The following ABCC1 variants were observed in gnomAD, a reference collection of about 807,000 sequenced individuals.
The protein encoded by ABCC1 is ATP binding cassette subfamily C member 1 (ABCC1 blood group), also known as multidrug resistance-associated protein 1.
In ABCC1, 83 loss-of-function variants were observed where a neutral mutation model predicts 172.9. The ratio of observed to expected loss-of-function variants is 0.48; its 90% CI spans 0.40 to 0.58. ABCC1 has a LOEUF of 0.58. Among genes scored for constraint, ABCC1 ranks in the 20% least tolerant of loss-of-function variants. The pLI, the probability that ABCC1 is intolerant of heterozygous loss-of-function variation, is 0.00. For synonymous variants in ABCC1, 937 were observed against 825.2 expected (o/e 1.14, Z -2.32); for missense variants, 1,817 against 2,002.7 (o/e 0.91, Z 1.77).
chr16:15,969,687 T>G (rs1280516827), intron 1 of ABCC1, among the ~76,000 whole-genome samples: 1 of 152,096 alleles, frequency 6.6e-6, no homozygotes, highest in African/African-American at 2.4e-5. Context: ...GTCTTTTTTT[T>G]TTTTAAACCT....
chr16:15,978,932 G>T (rs909799138), intron 1 of ABCC1, among the ~76,000 whole-genome samples: 7 of 152,106 alleles, frequency 4.6e-5, no homozygotes, highest in Non-Finnish European at 8.8e-5. Context: ...AGTGTTGAGG[G>T]TGAGAAACCC....
chr16:16,014,038 G>A (rs1597118306), intron 3 of ABCC1, among the ~76,000 whole-genome samples: 2 of 152,208 alleles, frequency 1.3e-5, no homozygotes, highest in East Asian at 1.9e-4. Context: ...ATGAAGGCAT[G>A]TCCATTCATT....
intron 20 of ABCC1, among the ~76,000 whole-genome samples, chr16:16,104,642 G>A (rs1004740224): frequency 1.3e-5 from 2 of 152,216 alleles, no homozygotes; most frequent in Non-Finnish European, 2.9e-5. Flanking sequence ...AGGTGGAGCT[G>A]CCTGCCAGTC....
intron 1 of ABCC1, among the ~76,000 whole-genome samples, chr16:15,973,558 T>C (rs976230041): frequency 1.4e-4 from 21 of 152,144 alleles, no homozygotes; most frequent in Admixed American, 1.2e-3. Flanking sequence ...AATGCTGCAA[T>C]ATGTCCATCG....
At chr16:15,950,229 GA>G (rs35167276) in intron 1 of ABCC1, among the ~76,000 whole-genome samples, 89,407 of 151,928 alleles carry the variant, frequency 0.59, 28,869 homozygotes, top group Non-Finnish European at 0.73. Context: ...AATACTCCGT[GA>G]CCAACGGGGT....
chr16:16,048,957 T>G (rs1331651180), intron 10 of ABCC1, among the ~76,000 whole-genome samples: 2 of 150,858 alleles, frequency 1.3e-5, no homozygotes, highest in Non-Finnish European at 2.9e-5. Context: ...CACTCCAGCC[T>G]GGGCAACAAG....
intron 21 of ABCC1, among the ~76,000 whole-genome samples, chr16:16,107,496 G>C (rs906803896): frequency 2.0e-5 from 3 of 152,062 alleles, no homozygotes; most frequent in African/African-American, 7.2e-5. Flanking sequence ...CACCATGTTG[G>C]CCAGGCTGGT....
chr16:15,950,441 G>A (rs894657997), intron 1 of ABCC1, among the ~76,000 whole-genome samples: 11 of 152,108 alleles, frequency 7.2e-5, no homozygotes, highest in African/African-American at 2.7e-4. Context: ...CCTCGGCTCG[G>A]GGCAGACTTG....
At chr16:16,004,646 T>G (rs2047453159) in intron 1 of ABCC1, among the ~76,000 whole-genome samples, 1 of 146,782 alleles carries the variant, frequency 6.8e-6, no homozygotes, top group Admixed American at 7.3e-5. Context: ...GTGTTGGCCT[T>G]GTAAGGTTTA....
intron 16 of ABCC1, among the ~76,000 whole-genome samples, chr16:16,082,854 T>C (rs6498598): frequency 0.82 from 124,002 of 152,130 alleles, 50,684 homozygotes; most frequent in Non-Finnish European, 0.85. Flanking sequence ...CTCTATGTTG[T>C]CCAGGCTGGC....
At chr16:16,048,011 C>A (rs937672490) in intron 9 of ABCC1, 131 bp from the exon 10 acceptor site, 19 of 1,178,868 alleles carry the variant, frequency 1.6e-5, no homozygotes, top group Non-Finnish European at 2.1e-5. Flanking sequence ...ACAGATAGGT[C>A]GGGAGGGGAG....
chr16:16,079,503 G>A, intron 16 of ABCC1, 25 bp downstream of exon 16: 5 of 1,594,682 alleles, frequency 3.1e-6, no homozygotes, highest in Non-Finnish European at 3.4e-6. Context: ...AGCGGGGAGG[G>A]GCAGTGGGGA....
chr16:16,118,972 C>T lies in ABCC1; in HGVS notation c.3391-3003C>T, dbSNP rs570083962. Among the ~76,000 whole-genome samples, 49 of 149,898 alleles carry T rather than the reference C, an allele frequency of 3.3e-4. No individual in the cohort carries two copies. In the East Asian group the frequency reaches 8.3e-3, roughly 25 times the overall value. On this transcript the variant is annotated intron_variant, in intron 23 of 30. Coordinates refer to ENST00000399410, the MANE Select transcript of ABCC1 (RefSeq NM_004996.4). ...ATAATCGCCCAAACTGGAAACAGCT[C>T]AAATGTCCATTAACAGGACCGTGGA...
chr16:15,970,694 C>A (rs890249046), intron 1 of ABCC1, among the ~76,000 whole-genome samples: 7 of 152,162 alleles, frequency 4.6e-5, no homozygotes, highest in South Asian at 4.1e-4. Flanking sequence ...TTCTTTCCCC[C>A]CTCCTTGCTT....
Position 16,009,542 on chromosome 16 carries a change from G to A in ABCC1, c.226-234G>A, listed in dbSNP as rs540625121. ...GGTGACCAGACAAACAGTCCTGTTGGAGGTAGTGGGGCGTAGCAGGCTGAT... is the reference window on the plus strand; with the variant it reads ...GGTGACCAGACAAACAGTCCTGTTGAAGGTAGTGGGGCGTAGCAGGCTGAT... On this transcript the variant is annotated intron_variant, in intron 2 of 30. Coordinates refer to ENST00000399410, the MANE Select transcript of ABCC1 (RefSeq NM_004996.4). Among the ~76,000 whole-genome samples the A allele has an allele frequency of 9.6e-4, 146 of 152,262 alleles. 1 individual carries two copies. The highest frequency in any genetic ancestry group is 3.1e-3 in the South Asian group (15 of 4,818).
At chr16:16,044,394 G>A in intron 7 of ABCC1, 56 bp from the exon 8 acceptor site, 1 of 1,465,742 alleles carries the variant, frequency 6.8e-7, no homozygotes, top group Non-Finnish European at 9.5e-7. Flanking sequence ...TGTCCCTGTG[G>A]TAGGGGGCTG....
At chr16:16,136,997 T>C (rs2045939372) in intron 29 of ABCC1, among the ~76,000 whole-genome samples, 2 of 152,148 alleles carry the variant, frequency 1.3e-5, no homozygotes, top group African/African-American at 2.4e-5. Context: ...CCCAGCTGTC[T>C]TGGTCTCTAC....
intron 2 of ABCC1, among the ~76,000 whole-genome samples, chr16:16,008,299 T>C (rs916003275): frequency 6.6e-6 from 1 of 152,068 alleles, no homozygotes; most frequent in Non-Finnish European, 1.5e-5. Flanking sequence ...TTATCAGCTC[T>C]TCCCCTCTTA....
intron 1 of ABCC1, among the ~76,000 whole-genome samples, chr16:15,998,024 G>T (rs2047118876): frequency 6.6e-6 from 1 of 151,086 alleles, no homozygotes; most frequent in South Asian, 2.1e-4. Flanking sequence ...GTTTCACTAT[G>T]TTGGCCAGGC....
Sources: allele counts gnomAD v4.1 joint callset (sites outside exome capture counted in the v4.1 genomes callset), GRCh38; gene constraint gnomAD v4.1.1; transcripts MANE v1.5; gene names NCBI Gene and HGNC (gene_info 2026-07-23, HGNC 2026-07-21).